The following NALCN variants were observed in gnomAD, a reference collection of about 807,000 sequenced individuals.
NALCN encodes sodium leak channel, non-selective.
A neutral mutation model predicts 225.3 loss-of-function variants in NALCN; 111 were observed. That is an observed-to-expected ratio of 0.49 (90% CI 0.42 to 0.58). The LOEUF is 0.58. Among genes scored for constraint, NALCN ranks in the 20% least tolerant of loss-of-function variants. The probability of loss-of-function intolerance (pLI) is 0.00; values close to 1 mark genes in which losing one functional copy is unlikely to be tolerated. For synonymous variants in NALCN, 764 were observed against 769.0 expected (o/e 0.99, Z 0.11); for missense variants, 1,378 against 2,202.4 (o/e 0.63, Z 7.49).
intron 10 of NALCN, among the ~76,000 whole-genome samples, chr13:101,274,674 C>T (rs1347526527): frequency 1.3e-5 from 2 of 152,030 alleles, no homozygotes; most frequent in Non-Finnish European, 2.9e-5. Context: ...AAAATAGCAC[C>T]AATTTACAAA....
chr13:101,068,259 C>T (rs1419129261), intron 38 of NALCN, among the ~76,000 whole-genome samples: 1 of 152,150 alleles, frequency 6.6e-6, no homozygotes, highest in South Asian at 2.1e-4. Context: ...CACAAACACA[C>T]ATTCTGTGTA....
At chr13:101,112,818 T>C (rs1408370020) in intron 18 of NALCN, among the ~76,000 whole-genome samples, 1 of 152,242 alleles carries the variant, frequency 6.6e-6, no homozygotes, top group Non-Finnish European at 1.5e-5. Context: ...AAAAGATTTG[T>C]ATGTGCTTAG....
At chr13:101,139,938 T>C (rs1398240904) in intron 17 of NALCN, among the ~76,000 whole-genome samples, 2 of 152,190 alleles carry the variant, frequency 1.3e-5, no homozygotes, top group Non-Finnish European at 2.9e-5. Flanking sequence ...TAGATTTCCC[T>C]GGCCCAGGGG....
intron 14 of NALCN, among the ~76,000 whole-genome samples, chr13:101,188,665 T>A (rs905276177): frequency 5.9e-5 from 8 of 135,990 alleles, no homozygotes; most frequent in African/African-American, 2.3e-4. Flanking sequence ...CGTGTGTGTG[T>A]GTGTCTGTGT....
chr13:101,272,336 T>C (rs1368282364), intron 10 of NALCN, among the ~76,000 whole-genome samples: 4 of 152,196 alleles, frequency 2.6e-5, no homozygotes, highest in African/African-American at 7.2e-5. Context: ...GTTTGACACC[T>C]GCCTAAGGGG....
In NALCN at chr13:101,089,030, T is replaced by C. The variant is rs1163187402; in HGVS notation, c.3489+633A>G. Among the ~76,000 whole-genome samples the C allele has an allele frequency of 2.6e-5, 4 of 152,002 alleles. No homozygotes were observed. Among genetic ancestry groups the C allele is most frequent in the African/African-American group, 9.7e-5 (4 of 41,386 alleles). On this transcript the variant is annotated intron_variant, in intron 30 of 43. Coordinates refer to ENST00000251127, the MANE Select transcript of NALCN (RefSeq NM_052867.4). This position sits in a 1 kb window ranked among gnomAD's most constrained non-coding sequence, Gnocchi z 4.7. ...CTCATGCCTCAGCCAACCCAGTAGC[T>C]GGGATTACAGGCATGCGCCACCACG...
intron 2 of NALCN, among the ~76,000 whole-genome samples, chr13:101,397,531 T>C (rs9518382): frequency 0.13 from 19,672 of 151,156 alleles, 1,518 homozygotes; most frequent in East Asian, 0.37. Flanking sequence ...ATACACATGA[T>C]ATTTATATGT....
Position 101,089,823 on chromosome 13 carries a change from A to G in NALCN, c.3390+23T>C. Reference sequence around the variant, plus strand: ...ATGAAAGCTGCTCTTGAAGTGTTCAAAGGATTCGATGTGCTCGCTTACCGG... The same window carrying G: ...ATGAAAGCTGCTCTTGAAGTGTTCAGAGGATTCGATGTGCTCGCTTACCGG... On this transcript the variant is annotated intron_variant, in intron 29 of 43. Transcript: ENST00000251127. The surrounding 1 kb of genome is among the most constrained non-coding windows in gnomAD (Gnocchi z 4.7). 1 of 1,614,058 alleles carries G rather than the reference A, an allele frequency of 6.2e-7. No individual in the cohort carries two copies. Among genetic ancestry groups the G allele is most frequent in the South Asian group, 1.1e-5 (1 of 91,074 alleles).
At chr13:101,106,431 CACTCCA>C (rs1344367081) in intron 22 of NALCN, among the ~76,000 whole-genome samples, 2 of 152,158 alleles carry the variant, frequency 1.3e-5, no homozygotes, top group Non-Finnish European at 2.9e-5. Flanking sequence ...GCATCAGGGA[CACTCCA>C]ACTACATAAT....
chr13:101,234,645 T>C (rs1386710560), intron 12 of NALCN, among the ~76,000 whole-genome samples: 1 of 152,160 alleles, frequency 6.6e-6, no homozygotes, highest in African/African-American at 2.4e-5. Flanking sequence ...TTAACTGAGA[T>C]CATTTTTATT....
intron 6 of NALCN, among the ~76,000 whole-genome samples, chr13:101,364,923 G>T (rs543689868): frequency 6.6e-6 from 1 of 152,022 alleles, no homozygotes; most frequent in African/African-American, 2.4e-5. Flanking sequence ...GTCATAGACC[G>T]TTGCATGAAT....
chr13:101,088,015 T>TAG (rs2034018236), intron 30 of NALCN, among the ~76,000 whole-genome samples: 1 of 152,062 alleles, frequency 6.6e-6, no homozygotes, highest in Non-Finnish European at 1.5e-5. Context: ...AAGATCCTTC[T>TAG]TCCTCTTTCT....
intron 7 of NALCN, among the ~76,000 whole-genome samples, chr13:101,311,828 G>C (rs1301385868): frequency 1.3e-5 from 2 of 151,728 alleles, no homozygotes; most frequent in Non-Finnish European, 2.9e-5. Flanking sequence ...TCTCTTTTTT[G>C]GTTGTGTCTC....
chr13:101,145,750 G>A (rs1951245053), intron 15 of NALCN, among the ~76,000 whole-genome samples: 2 of 152,076 alleles, frequency 1.3e-5, no homozygotes, highest in African/African-American at 4.8e-5. Context: ...CTTCTGCAGA[G>A]TGGAACACCC....
intron 3 of NALCN, among the ~76,000 whole-genome samples, chr13:101,389,150 G>C (rs1427174647): frequency 6.6e-6 from 1 of 152,164 alleles, no homozygotes; most frequent in Non-Finnish European, 1.5e-5. Context: ...GGAAGATACA[G>C]ACAATTTTGG....
At chr13:101,061,599 C>CCAA (rs2031943614) in intron 41 of NALCN, among the ~76,000 whole-genome samples, 1 of 152,090 alleles carries the variant, frequency 6.6e-6, no homozygotes, top group Admixed American at 6.5e-5. Flanking sequence ...AGGCTGGTCT[C>CCAA]CAACTCCTGG....
chr13:101,077,586 A>G (rs1311377241), intron 34 of NALCN, among the ~76,000 whole-genome samples: 1 of 152,192 alleles, frequency 6.6e-6, no homozygotes, highest in East Asian at 1.9e-4. Context: ...AGATCTGTGG[A>G]ACTTTGAATT....
chr13:101,390,075 C>T (rs2047102764), intron 3 of NALCN, among the ~76,000 whole-genome samples: 1 of 152,094 alleles, frequency 6.6e-6, no homozygotes, highest in African/African-American at 2.4e-5. Context: ...GAGCGAGGTT[C>T]TGTCTCAAAA....
chr13:101,134,760 A>C (rs1272379967), intron 17 of NALCN, among the ~76,000 whole-genome samples: 1 of 152,204 alleles, frequency 6.6e-6, no homozygotes, highest in African/African-American at 2.4e-5. Flanking sequence ...GGCCACTAAC[A>C]CAGTAGCCTG....
Sources: allele counts gnomAD v4.1 joint callset (sites outside exome capture counted in the v4.1 genomes callset), GRCh38; gene constraint gnomAD v4.1.1; non-coding constraint Gnocchi (gnomAD v3.1); transcripts MANE v1.5; gene names NCBI Gene and HGNC (gene_info 2026-07-23, HGNC 2026-07-21).